CEP170B: variants seen among roughly 807,000 people sequenced by gnomAD.
The protein encoded by CEP170B is centrosomal protein 170B.
Under a neutral mutation model 120.6 loss-of-function variants are expected in CEP170B, and 55 were observed. The ratio of observed to expected loss-of-function variants is 0.46; its 90% CI spans 0.37 to 0.57. The LOEUF (loss-of-function observed/expected upper bound fraction) is 0.57. Ranked by LOEUF, CEP170B falls within the 20% of genes least tolerant of loss-of-function variation. CEP170B has a pLI of 0.00. For synonymous variants in CEP170B, 1,033 were observed against 954.5 expected (o/e 1.08, Z -1.52); for missense variants, 2,212 against 2,253.3 (o/e 0.98, Z 0.37).
At chr14:104,888,361 C>T (rs1023990003) in intron 12 of CEP170B, among the ~76,000 whole-genome samples, 3 of 152,220 alleles carry the variant, frequency 2.0e-5, no homozygotes, top group Admixed American at 6.5e-5. Context: ...AGGCCCTAGG[C>T]CTGGGGAGGG....
intron 13 of CEP170B, among the ~76,000 whole-genome samples, chr14:104,890,725 GTGGA>G (rs1212482807): frequency 6.2e-5 from 6 of 96,478 alleles, no homozygotes; most frequent in African/African-American, 2.0e-4. Flanking sequence ...TGAGTGGTGG[GTGGA>G]TGGATGGATG....
chr14:104,878,047 C>A, intron 4 of CEP170B, 84 bp downstream of exon 4: 2 of 1,138,456 alleles, frequency 1.8e-6, no homozygotes, highest in Non-Finnish European at 2.6e-6. Context: ...AGAAGCAGGG[C>A]TGTCACTGCT....
chr14:104,895,066 A>C lies in CEP170B; in HGVS notation c.*108A>C. 1 of 1,274,156 alleles carries C rather than the reference A, an allele frequency of 7.8e-7. No individual in the cohort carries two copies. The highest frequency in any genetic ancestry group is 1.1e-6 in the Non-Finnish European group (1 of 945,742). The allele number at this position is 1,274,156 out of a possible 1,614,324, so 78.9% of individuals were successfully genotyped here. A position where few individuals can be genotyped will look rare whatever the true frequency, so the allele number is the denominator to read the frequency against. On this transcript the variant is annotated 3_prime_UTR_variant, in exon 19 of 19. Transcript: ENST00000414716. The stretch of plus-strand genomic sequence containing the variant: ...GGTGGTTCTCCCTGAAGACCCCCAC[A>C]TGTGCCATATCCCTGTGGGCGGGTG...
At position 104,883,127 on chromosome 14, in the gene CEP170B, A is replaced by G; in HGVS notation, c.670A>G (p.Ser224Gly). The part of the protein sequence containing the change: ...PQGCSFRREP[S>G]YFEIPTKETP... ...GGGCTGCTCGTTCCGGCGGGAGCCCAGCTACTTCGAGATCCCCACGAAGGA... is the reference window on the plus strand; with the variant it reads ...GGGCTGCTCGTTCCGGCGGGAGCCCGGCTACTTCGAGATCCCCACGAAGGA... The change falls in exon 8 of 19, where the codon AGC (serine) becomes GGC (glycine). Residue 224 changes from serine to glycine, a missense_variant. This residue lies in a region of CEP170B where 2,166 missense variants were observed against 2,166.7 expected (regional missense o/e 1.00). Transcript: ENST00000414716. 2 of 1,599,458 alleles carry G rather than the reference A, an allele frequency of 1.3e-6. No homozygotes were observed. Among genetic ancestry groups the G allele is most frequent in the Non-Finnish European group, 1.7e-6 (2 of 1,175,334 alleles).
At chr14:104,873,301 G>A (rs533272747) in intron 2 of CEP170B, among the ~76,000 whole-genome samples, 1 of 151,792 alleles carries the variant, frequency 6.6e-6, no homozygotes, top group East Asian at 1.9e-4. Context: ...GGGCCGGGTG[G>A]GGTGGGGAAG....
chr14:104,876,496 GCC>G lies in CEP170B; in HGVS notation c.195+154_195+155del, dbSNP rs553134017. On this transcript the variant is annotated intron_variant, in intron 3 of 18. Coordinates refer to ENST00000414716, the MANE Select transcript of CEP170B (RefSeq NM_001112726.3). ...AGTTCTGCCTCCTCCCCCAGCCATA[GCC>G]CCTCCTTCTCAGCCCTGGCCCCTCC... Among the ~76,000 whole-genome samples the G allele has an allele frequency of 4.8e-3, 630 of 131,772 alleles. 3 individuals are homozygous for G. The highest frequency in any genetic ancestry group is 7.7e-3 in the Non-Finnish European group (474 of 61,728). The allele number at this position is 131,772 out of a possible 152,430, so 86.4% of individuals were successfully genotyped here.
rs1217646030 is a variant in CEP170B, at chr14:104,884,419, C to T, written c.1640C>T (p.Pro547Leu). 6.5e-7 allele frequency: 1 copy of T among 1,549,190 alleles called. No homozygotes were observed. The change falls in exon 9 of 19, where the codon CCC becomes CTC. Residue 547 changes from proline to leucine, a missense_variant. Around this residue, in one of 2 missense-constraint regions of CEP170B, gnomAD observed 2,166 missense variants for 2,166.7 expected, o/e 1.00. Transcript: ENST00000414716. Reference sequence around the variant, plus strand: ...GGCCCCCCGACCCCACCGCCCGCCCCCACGGACCCCCAGCTGACCAAGGCA... The same window carrying T: ...GGCCCCCCGACCCCACCGCCCGCCCTCACGGACCCCCAGCTGACCAAGGCA... Reference protein sequence around the residue: ...PVGPPTPPPAPTDPQLTKARK... With the variant: ...PVGPPTPPPALTDPQLTKARK...
intron 16 of CEP170B, 199 bp downstream of exon 16, chr14:104,894,048 C>T (rs971632472): frequency 3.8e-5 from 25 of 663,860 alleles, no homozygotes; most frequent in East Asian, 1.6e-4. Context: ...GCCTCCAGGG[C>T]GGCCCTTCCT....
intron 1 of CEP170B, among the ~76,000 whole-genome samples, chr14:104,866,925 C>T (rs963697984): frequency 1.3e-5 from 2 of 152,122 alleles, no homozygotes; most frequent in African/African-American, 2.4e-5. Context: ...CATCCCTGTC[C>T]TGGGTTATTG....
intron 2 of CEP170B, among the ~76,000 whole-genome samples, chr14:104,869,953 A>C (rs560372840): frequency 2.6e-5 from 4 of 152,202 alleles, no homozygotes; most frequent in South Asian, 2.1e-4. Flanking sequence ...GATCCTCTTG[A>C]GTCTGGACCC....
Position 104,880,225 on chromosome 14 carries a change from C to T in CEP170B, c.334-62C>T, listed in dbSNP as rs558430615. 2.0e-4 allele frequency: 303 copies of T among 1,545,958 alleles called. 1 individual carries two copies. In the African/African-American group the frequency reaches 2.7e-3, roughly 14 times the overall value. ...CTGGATGGAGAGGAGAGGCTGGGCC[C>T]ACCCTGGTGGGTTCCTCCTGAGGCT... is the stretch of plus-strand genomic sequence containing the variant. On this transcript the variant is annotated intron_variant, in intron 5 of 18. Transcript: ENST00000414716.
In CEP170B at chr14:104,885,520, C is replaced by A; in HGVS notation, c.1922C>A (p.Ala641Glu). The A allele has an allele frequency of 6.4e-7, 1 of 1,564,960 alleles. No individual in the cohort carries two copies. Among genetic ancestry groups the A allele is most frequent in the Non-Finnish European group, 8.6e-7 (1 of 1,158,510 alleles). Reference protein sequence around the residue: ...LQEFASRPLGAAPQAEHQGLP... With the variant: ...LQEFASRPLGEAPQAEHQGLP... ...GAGTTTGCCTCCCGGCCACTGGGTG[C>A]GGCCCCCCAGGCGGAGCACCAGGTA... is the stretch of plus-strand genomic sequence containing the variant. The change falls in exon 10 of 19, where the codon GCG (alanine) becomes GAG (glutamate). Residue 641 changes from alanine (A) to glutamate (E), a missense_variant. By Grantham distance (107) the Ala-to-Glu change is moderately radical (BLOSUM62 -1). Coordinates refer to ENST00000414716, the MANE Select transcript of CEP170B (RefSeq NM_001112726.3).
chr14:104,887,463 G>C lies in CEP170B; in HGVS notation c.3224G>C (p.Arg1075Pro), dbSNP rs925692573. 6.2e-7 allele frequency: 1 copy of C among 1,611,724 alleles called. No homozygotes were observed. The highest frequency in any genetic ancestry group is 1.3e-5 in the African/African-American group (1 of 74,932). ...ACCCCTGAGGCCACCGGGGCAGGACGGCTAGGTTCTCGCCGGAAACCAGCG... is the reference window on the plus strand; with the variant it reads ...ACCCCTGAGGCCACCGGGGCAGGACCGCTAGGTTCTCGCCGGAAACCAGCG... ...HETPEATGAG[R>P]LGSRRKPAAP... is the part of the protein sequence containing the mutation. The change falls in exon 12 of 19, where the codon CGG becomes CCG. Residue 1075 changes from arginine (R) to proline (P), a missense_variant. Coordinates refer to ENST00000414716, the MANE Select transcript of CEP170B (RefSeq NM_001112726.3).
chr14:104,875,905 T>A (rs1895822123), intron 2 of CEP170B, among the ~76,000 whole-genome samples: 1 of 152,132 alleles, frequency 6.6e-6, no homozygotes, highest in Non-Finnish European at 1.5e-5. Context: ...GAGGGCTCCC[T>A]GAGACAAGCC....
chr14:104,878,552 A>T, intron 5 of CEP170B, 51 bp downstream of exon 5: 2 of 1,572,838 alleles, frequency 1.3e-6, no homozygotes, highest in South Asian at 2.2e-5. Flanking sequence ...TCAGCCCCCC[A>T]TCCTCCCCAC....
At chr14:104,871,271 T>C (rs1240959115) in intron 2 of CEP170B, among the ~76,000 whole-genome samples, 1 of 152,166 alleles carries the variant, frequency 6.6e-6, no homozygotes, top group African/African-American at 2.4e-5. Context: ...GCTGCTGCAC[T>C]GGGGCCTCTC....
chr14:104,885,593 G>A, intron 10 of CEP170B, 51 bp downstream of exon 10: 2 of 1,514,612 alleles, frequency 1.3e-6, no homozygotes, highest in Non-Finnish European at 8.8e-7. Flanking sequence ...GAAGAGGGCA[G>A]CATCCAAGCC....
At position 104,882,360 on chromosome 14, in the gene CEP170B, G is replaced by A. The variant is rs534458946; in HGVS notation, c.473-368G>A. 1.9e-4 allele frequency among the ~76,000 whole-genome samples: 29 copies of A among 152,278 alleles called. No homozygotes were observed. In the East Asian group the frequency reaches 4.3e-3, roughly 22 times the overall value. On this transcript the variant is annotated intron_variant, in intron 6 of 18. Coordinates refer to ENST00000414716, the MANE Select transcript of CEP170B (RefSeq NM_001112726.3). ...CCTCTGTTGGATGCGCTCTGGGGTC[G>A]GGAAGGCCGGGGCAGGGTTGCAGGA... is the stretch of plus-strand genomic sequence containing the variant.
chr14:104,872,505 T>TGTGCCGTGTGTGC (rs1419980847), intron 2 of CEP170B, among the ~76,000 whole-genome samples: 7 of 106,120 alleles, frequency 6.6e-5, no homozygotes, highest in East Asian at 4.2e-4. Flanking sequence ...TGTGTGCGTG[T>TGTGCCGTGTGTGC]GTAAGTGTGC....
Sources: gnomAD v4.1 joint callset for allele counts (sites outside exome capture counted in the v4.1 genomes callset) on GRCh38, gnomAD v4.1.1 for gene constraint, gnomAD v4.1.1 regional missense constraint, MANE v1.5 for transcripts, NCBI Gene and HGNC (gene_info 2026-07-23, HGNC 2026-07-21) for gene names.